Variants in FBXL7 observed in about 807,000 individuals in gnomAD.
FBXL7 encodes F-box and leucine rich repeat protein 7.
A neutral mutation model predicts 38.3 loss-of-function variants in FBXL7; 12 were observed. That is an observed-to-expected ratio of 0.31 (90% confidence interval 0.20 to 0.51). FBXL7 has a LOEUF of 0.51. Ranked by LOEUF, FBXL7 falls within the 20% of genes least tolerant of loss-of-function variation. The pLI is 0.98. For missense variants in FBXL7, 567 were observed against 676.4 expected (o/e 0.84, Z 1.79); for synonymous variants, 297 against 300.9 (o/e 0.99, Z 0.13).
At chr5:15,632,791 A>G (rs1353938021) in intron 2 of FBXL7, among the ~76,000 whole-genome samples, 1 of 152,212 alleles carries the variant, frequency 6.6e-6, no homozygotes, top group Non-Finnish European at 1.5e-5. Flanking sequence ...ACTGTGTGTT[A>G]TCATTAGTGG....
intron 2 of FBXL7, among the ~76,000 whole-genome samples, chr5:15,680,955 C>A (rs1027443078): frequency 6.6e-6 from 1 of 152,124 alleles, no homozygotes; most frequent in Non-Finnish European, 1.5e-5. Context: ...CATTGATGAG[C>A]ATGTAAATTA....
intron 2 of FBXL7, among the ~76,000 whole-genome samples, chr5:15,785,810 C>T (rs143972985): frequency 8.5e-5 from 13 of 152,358 alleles, no homozygotes; most frequent in African/African-American, 2.6e-4. Context: ...TAAGCCCCCT[C>T]GCAGTTCAGT....
intron 2 of FBXL7, among the ~76,000 whole-genome samples, chr5:15,905,470 C>T (rs1319609232): frequency 6.6e-6 from 1 of 151,890 alleles, no homozygotes; most frequent in Non-Finnish European, 1.5e-5. Flanking sequence ...CTGAGGCTTC[C>T]ATCTGGTCAA....
chr5:15,900,825 C>A (rs957082471), intron 2 of FBXL7, among the ~76,000 whole-genome samples: 1 of 152,136 alleles, frequency 6.6e-6, no homozygotes, highest in Admixed American at 6.5e-5. Flanking sequence ...TGCCCCTTGG[C>A]CTAATTTTCA....
chr5:15,787,769 A>G (rs1451043049), intron 2 of FBXL7, among the ~76,000 whole-genome samples: 1 of 152,204 alleles, frequency 6.6e-6, no homozygotes, highest in Non-Finnish European at 1.5e-5. Context: ...TGAAAACTCT[A>G]TAATGCCTTG....
intron 2 of FBXL7, among the ~76,000 whole-genome samples, chr5:15,813,742 A>G (rs190352059): frequency 5.3e-5 from 8 of 152,260 alleles, no homozygotes; most frequent in Admixed American, 2.0e-4. Context: ...AAAAAAATAA[A>G]CAACCCCATC....
At chr5:15,602,709 A>C (rs558993367) in intron 1 of FBXL7, among the ~76,000 whole-genome samples, 16 of 152,184 alleles carry the variant, frequency 1.1e-4, no homozygotes, top group Non-Finnish European at 2.2e-4. Flanking sequence ...GTATCTTCAG[A>C]TCCCAAGTCC....
chr5:15,559,199 CGAGAG>C (rs1489596498), intron 1 of FBXL7, among the ~76,000 whole-genome samples: 1 of 152,086 alleles, frequency 6.6e-6, no homozygotes, highest in African/African-American at 2.4e-5. Context: ...TAGAGACTGT[CGAGAG>C]GAGACACATG....
chr5:15,810,630 A>G (rs422958), intron 2 of FBXL7, among the ~76,000 whole-genome samples: 81,585 of 151,648 alleles, frequency 0.54, 23,091 homozygotes, highest in Non-Finnish European at 0.64. Context: ...CACAATTGCA[A>G]ATTTTTTATT....
intron 2 of FBXL7, among the ~76,000 whole-genome samples, chr5:15,907,597 C>A (rs1741387389): frequency 2.0e-4 from 1 of 5,102 alleles, no homozygotes; most frequent in African/African-American, 1.1e-3. Context: ...TTGCCCACGC[C>A]TATGTCCTGA....
chr5:15,501,452 T>A, intron 1 of FBXL7: 1 of 985,588 alleles, frequency 1.0e-6, no homozygotes, highest in Non-Finnish European at 1.2e-6. Flanking sequence ...AACCGTAGCG[T>A]TGTATCCCAA....
At chr5:15,635,967 T>C (rs776991041) in intron 2 of FBXL7, among the ~76,000 whole-genome samples, 1 of 151,502 alleles carries the variant, frequency 6.6e-6, no homozygotes, top group Admixed American at 6.6e-5. Context: ...CAATGTGAGG[T>C]CAGTAATAGT....
intron 2 of FBXL7, among the ~76,000 whole-genome samples, chr5:15,689,173 C>T (rs941885580): frequency 6.6e-6 from 1 of 152,130 alleles, no homozygotes; most frequent in Non-Finnish European, 1.5e-5. Context: ...GCATGTCACA[C>T]TGACATTGAG....
intron 2 of FBXL7, among the ~76,000 whole-genome samples, chr5:15,885,315 G>A (rs889762182): frequency 2.0e-5 from 3 of 152,198 alleles, no homozygotes; most frequent in Admixed American, 6.5e-5. Flanking sequence ...GTGAGAGGGC[G>A]AGAGAGAGGA....
At chr5:15,725,515 A>G (rs1193493340) in intron 2 of FBXL7, among the ~76,000 whole-genome samples, 2 of 152,134 alleles carry the variant, frequency 1.3e-5, no homozygotes, top group Non-Finnish European at 1.5e-5. Context: ...ACTTTGTATG[A>G]TATCTGTCAT....
chr5:15,765,274 C>T (rs911949421), intron 2 of FBXL7, among the ~76,000 whole-genome samples: 5 of 152,176 alleles, frequency 3.3e-5, no homozygotes, highest in East Asian at 1.9e-4. Context: ...GGTACTGAGA[C>T]GTACATGAGT....
chr5:15,846,044 A>G (rs899193429), intron 2 of FBXL7, among the ~76,000 whole-genome samples: 4 of 152,268 alleles, frequency 2.6e-5, no homozygotes, highest in African/African-American at 7.2e-5. Context: ...CAGTTCTCCA[A>G]ATATATCCAC....
chr5:15,797,802 G>A (rs1025426347), intron 2 of FBXL7, among the ~76,000 whole-genome samples: 7 of 109,916 alleles, frequency 6.4e-5, no homozygotes, highest in Non-Finnish European at 9.9e-5. Context: ...CAATTTAGAC[G>A]AGAAATTTGT....
At chr5:15,562,885 A>G (rs963165781) in intron 1 of FBXL7, among the ~76,000 whole-genome samples, 5 of 152,186 alleles carry the variant, frequency 3.3e-5, no homozygotes, top group African/African-American at 9.6e-5. Context: ...ATGTTAAACA[A>G]AATTATTACA....
Sources: gnomAD v4.1 joint callset for allele counts (sites outside exome capture counted in the v4.1 genomes callset) on GRCh38, gnomAD v4.1.1 for gene constraint, MANE v1.5 for transcripts, NCBI Gene and HGNC (gene_info 2026-07-23, HGNC 2026-07-21) for gene names.